The following DCC variants were observed in gnomAD, a reference collection of about 807,000 sequenced individuals.
DCC encodes the protein DCC netrin 1 receptor.
A neutral mutation model predicts 172.5 loss-of-function variants in DCC; 58 were observed. The observed-to-expected ratio is 0.34, with a 90% CI of 0.27 to 0.42. DCC has a LOEUF of 0.42. Ranked by LOEUF, DCC falls within the 10% of genes least tolerant of loss-of-function variation. The pLI is 1.00. For missense variants in DCC, 1,740 were observed against 1,791.0 expected (o/e 0.97, Z 0.51); for synonymous variants, 709 against 644.5 (o/e 1.10, Z -1.52).
chr18:52,348,490 C>T (rs117334271), intron 1 of DCC, among the ~76,000 whole-genome samples: 35 of 152,254 alleles, frequency 2.3e-4, no homozygotes, highest in Middle Eastern at 3.4e-3. Context: ...TTAATTTGCC[C>T]GCATCTGGTA....
At chr18:52,382,700 G>T (rs1452747773) in intron 1 of DCC, among the ~76,000 whole-genome samples, 2 of 152,106 alleles carry the variant, frequency 1.3e-5, no homozygotes, top group Non-Finnish European at 2.9e-5. Flanking sequence ...TGATATCAGG[G>T]TTCTGCCTTG....
intron 1 of DCC, among the ~76,000 whole-genome samples, chr18:52,411,614 C>A (rs1205052597): frequency 6.6e-6 from 1 of 152,104 alleles, no homozygotes; most frequent in African/African-American, 2.4e-5. Flanking sequence ...TAGGAACTTT[C>A]CTCCTTTCAT....
intron 9 of DCC, among the ~76,000 whole-genome samples, chr18:53,186,537 A>G (rs1187980495): frequency 1.3e-5 from 2 of 152,162 alleles, no homozygotes; most frequent in African/African-American, 4.8e-5. Flanking sequence ...CCACTGAGAA[A>G]GGGTAAAGAT....
intron 23 of DCC, among the ~76,000 whole-genome samples, chr18:53,456,199 T>C (rs2045480735): frequency 6.6e-6 from 1 of 152,166 alleles, no homozygotes; most frequent in South Asian, 2.1e-4. Context: ...GAAAGGAGAC[T>C]TAAAGAATAA....
intron 1 of DCC, among the ~76,000 whole-genome samples, chr18:52,633,118 TTCCTTTCCTGTCCTG>T (rs772543490): frequency 2.8e-4 from 31 of 111,716 alleles, no homozygotes; most frequent in East Asian, 8.0e-4. Flanking sequence ...CTTTCTTCCT[TTCCTTTCCTGTCCTG>T]TCCTGTCCTG....
intron 24 of DCC, among the ~76,000 whole-genome samples, chr18:53,462,804 C>T (rs1010451377): frequency 2.6e-5 from 4 of 152,112 alleles, no homozygotes; most frequent in Admixed American, 1.3e-4. Context: ...CTTCCTCTTC[C>T]GTCATGAGGC....
Position 53,227,324 on chromosome 18 carries a change from G to A in DCC, c.1911+11727G>A, listed in dbSNP as rs183892217. ...ATATTTTTATCTGGAAGTTATTTTA[G>A]TTTAATCTCATCAAATGTCCACCAG... is the stretch of plus-strand genomic sequence containing the variant. On this transcript the variant is annotated intron_variant, in intron 12 of 28. Coordinates refer to ENST00000442544, the MANE Select transcript of DCC (RefSeq NM_005215.4). 5.9e-5 allele frequency among the ~76,000 whole-genome samples: 9 copies of A among 152,126 alleles called. 1 individual carries two copies. The East Asian group carries it at 1.5e-3, about 26-fold the overall frequency.
At chr18:53,180,595 G>T (rs2055179020) in intron 9 of DCC, among the ~76,000 whole-genome samples, 1 of 152,176 alleles carries the variant, frequency 6.6e-6, no homozygotes, top group African/African-American at 2.4e-5. Context: ...TTTTGTTGCT[G>T]TACTGATTTA....
chr18:52,830,648 T>C (rs2038597431), intron 2 of DCC, among the ~76,000 whole-genome samples: 1 of 152,182 alleles, frequency 6.6e-6, no homozygotes, highest in African/African-American at 2.4e-5. Context: ...CATTTATAGA[T>C]ATAATTGTTG....
At chr18:53,257,940 G>A (rs1479784354) in intron 12 of DCC, among the ~76,000 whole-genome samples, 2 of 152,138 alleles carry the variant, frequency 1.3e-5, no homozygotes, top group Non-Finnish European at 1.5e-5. Context: ...TTAGTCTTGG[G>A]AGGGCGTATG....
intron 1 of DCC, among the ~76,000 whole-genome samples, chr18:52,472,856 A>G (rs964754932): frequency 6.6e-6 from 1 of 152,144 alleles, no homozygotes; most frequent in Non-Finnish European, 1.5e-5. Context: ...GCAGTCAACT[A>G]TGATTGTGCC....
intron 2 of DCC, among the ~76,000 whole-genome samples, chr18:52,814,867 C>T (rs1263594059): frequency 2.0e-5 from 3 of 151,994 alleles, no homozygotes; most frequent in Non-Finnish European, 2.9e-5. Flanking sequence ...TTAGTTAAGA[C>T]GTTGGTACAG....
chr18:52,644,674 G>A (rs1448724051), intron 1 of DCC, among the ~76,000 whole-genome samples: 1 of 151,468 alleles, frequency 6.6e-6, no homozygotes, highest in Non-Finnish European at 1.5e-5. Context: ...AGGATCACTT[G>A]AGCCCAAGAG....
In DCC at chr18:52,423,584, G is replaced by A. The variant is rs558752513; in HGVS notation, c.91+82706G>A. ...AAAAAAGTTTCCATTCTGTCAGTAG[G>A]CAGAGAGGGAATGAGAGAGCAAATT... On this transcript the variant is annotated intron_variant, in intron 1 of 28. Transcript: ENST00000442544. 2.5e-4 allele frequency among the ~76,000 whole-genome samples: 38 copies of A among 152,232 alleles called. 1 individual carries two copies. The highest frequency in any genetic ancestry group is 3.4e-3 in the Middle Eastern group (1 of 294).
At chr18:53,405,486 C>T (rs968623937) in intron 19 of DCC, among the ~76,000 whole-genome samples, 2 of 152,108 alleles carry the variant, frequency 1.3e-5, no homozygotes, top group Non-Finnish European at 2.9e-5. Flanking sequence ...CCCCTGATAC[C>T]CAGTGGGCAC....
rs2029969745 is a variant in DCC, at chr18:52,481,721, A to ACTGTCTGCTGGCTCT, written c.91+140843_91+140844insCTGTCTGCTGGCTCT. On this transcript the variant is annotated intron_variant, in intron 1 of 28. Coordinates refer to ENST00000442544, the MANE Select transcript of DCC (RefSeq NM_005215.4). The stretch of plus-strand genomic sequence containing the variant: ...CTCTAACAGTGACGACTTAGGGTCC[A>ACTGTCTGCTGGCTCT]GATCTGGCTCTGACACTGTCTGCTG... Among the ~76,000 whole-genome samples, 4 of 152,256 alleles carry ACTGTCTGCTGGCTCT rather than the reference A, an allele frequency of 2.6e-5. No homozygotes were observed. In the East Asian group the frequency reaches 7.7e-4, roughly 29 times the overall value.
chr18:53,080,323 G>A (rs1016453760), intron 7 of DCC, among the ~76,000 whole-genome samples: 4 of 152,094 alleles, frequency 2.6e-5, no homozygotes, highest in South Asian at 2.1e-4. Context: ...TCCACAGAAA[G>A]AGCCTGGATT....
At chr18:52,628,813 C>A (rs1277234764) in intron 1 of DCC, among the ~76,000 whole-genome samples, 2 of 152,200 alleles carry the variant, frequency 1.3e-5, no homozygotes, top group Non-Finnish European at 2.9e-5. Context: ...GTCTCAGATT[C>A]AGAGTCACTT....
chr18:52,582,660 T>G lies in DCC; in HGVS notation c.92-169394T>G, dbSNP rs566303542. ...CACTTTGTGGGAACTAGATAAAAGA[T>G]GACTAGGGACAGGGCCATTACTTTC... On this transcript the variant is annotated intron_variant, in intron 1 of 28. Transcript: ENST00000442544. Among the ~76,000 whole-genome samples, 20 of 152,290 alleles carry G rather than the reference T, an allele frequency of 1.3e-4. No individual in the cohort carries two copies. The South Asian group carries it at 4.1e-3, about 32-fold the overall frequency.
Sources: gnomAD v4.1 joint callset for allele counts (sites outside exome capture counted in the v4.1 genomes callset) on GRCh38, gnomAD v4.1.1 for gene constraint, MANE v1.5 for transcripts, NCBI Gene and HGNC (gene_info 2026-07-23, HGNC 2026-07-21) for gene names.